LMO2: variants seen among roughly 807,000 people sequenced by gnomAD.
The protein encoded by LMO2 is LIM domain only 2, also known as rhombotin-2.
LMO2 carries 20 observed loss-of-function variants against 23.2 expected under a neutral mutation model. That is an observed-to-expected ratio of 0.86 (90% confidence interval 0.61 to 1.25). The LOEUF (loss-of-function observed/expected upper bound fraction) is 1.25. Among genes scored for constraint, LMO2 ranks in the 50% most tolerant of loss-of-function variants. The pLI is 0.00. For synonymous variants in LMO2, 123 were observed against 130.2 expected (o/e 0.94, Z 0.38); for missense variants, 270 against 315.3 (o/e 0.86, Z 1.09).
intron 1 of LMO2, 35 bp downstream of exon 1, chr11:33,891,760 G>T (rs555660197): frequency 1.3e-5 from 2 of 152,210 alleles, no homozygotes; most frequent in African/African-American, 2.4e-5. Flanking sequence ...CCTTGCAATC[G>T]TCCATTCATC....
chr11:33,878,584 C>A lies in LMO2; in HGVS notation c.-272+3240G>T, dbSNP rs1857191969. Among the ~76,000 whole-genome samples, 3 of 152,320 alleles carry A rather than the reference C, an allele frequency of 2.0e-5. No individual in the cohort carries two copies. In the South Asian group the frequency reaches 6.2e-4, roughly 32 times the overall value. On this transcript the variant is annotated intron_variant, in intron 2 of 5. Coordinates refer to ENST00000257818, the MANE Select transcript of LMO2 (RefSeq NM_005574.4). ...CAGTGCTTGGAACATAGTAGGTGCT[C>A]AGTAAATGGCAATGATTATTGCAGT...
chr11:33,881,346 T>G (rs1488393224), intron 2 of LMO2: 1 of 456,664 alleles, frequency 2.2e-6, no homozygotes, highest in Non-Finnish European at 4.4e-6. Flanking sequence ...GGAAATATCT[T>G]TTATCTGGCA....
intron 2 of LMO2, chr11:33,870,360 C>A: frequency 1.0e-6 from 1 of 985,420 alleles, no homozygotes; most frequent in Non-Finnish European, 1.2e-6. Context: ...TGCAAGTGTT[C>A]CCAGTGGATT....
intron 5 of LMO2, 119 bp from the exon 6 acceptor site, chr11:33,859,694 G>A (rs1856498288): frequency 7.0e-6 from 6 of 861,960 alleles, no homozygotes; most frequent in Non-Finnish European, 1.1e-5. Flanking sequence ...AGCCAGGGAA[G>A]GTCGGCTCCA....
At chr11:33,891,129 C>T (rs2133722700) in intron 1 of LMO2, among the ~76,000 whole-genome samples, 1 of 152,312 alleles carries the variant, frequency 6.6e-6, no homozygotes, top group Admixed American at 6.5e-5. Context: ...TGTTCCCCTT[C>T]ATTGATCCTC....
chr11:33,874,451 C>T (rs993742), intron 2 of LMO2, among the ~76,000 whole-genome samples: 1 of 152,320 alleles, frequency 6.6e-6, no homozygotes, highest in East Asian at 1.9e-4. Flanking sequence ...AGGGCCAGAA[C>T]TAGGATGAGG....
intron 1 of LMO2, among the ~76,000 whole-genome samples, chr11:33,886,743 C>T (rs1275027082): frequency 6.6e-6 from 1 of 152,208 alleles, no homozygotes; most frequent in Non-Finnish European, 1.5e-5. Flanking sequence ...TATTTCAGAA[C>T]ACGAATGTTG....
chr11:33,867,741 G>GT (rs982047335), intron 4 of LMO2, among the ~76,000 whole-genome samples: 22 of 152,326 alleles, frequency 1.4e-4, no homozygotes, highest in African/African-American at 5.3e-4. Context: ...AAGTTAGGAT[G>GT]TTTCAGTTTC....
intron 1 of LMO2, among the ~76,000 whole-genome samples, chr11:33,885,971 G>A (rs1011545208): frequency 2.0e-5 from 3 of 152,100 alleles, no homozygotes; most frequent in African/African-American, 4.8e-5. Flanking sequence ...TGCCTCCCAG[G>A]TTCAAGCAAT....
Position 33,879,047 on chromosome 11 carries a change from T to C in LMO2, c.-272+2777A>G, listed in dbSNP as rs1047760400. 2.6e-5 allele frequency among the ~76,000 whole-genome samples: 4 copies of C among 152,226 alleles called. No homozygotes were observed. The South Asian group carries it at 8.3e-4, about 32-fold the overall frequency. Reference sequence around the variant, plus strand: ...GAGGAAGGCCACTCCAGAATCATTATTGAAGATAGCCCATGCATTGTCACA... The same window carrying C: ...GAGGAAGGCCACTCCAGAATCATTACTGAAGATAGCCCATGCATTGTCACA... On this transcript the variant is annotated intron_variant, in intron 2 of 5. Transcript: ENST00000257818.
intron 5 of LMO2, among the ~76,000 whole-genome samples, chr11:33,863,073 CTA>C: frequency 6.6e-6 from 1 of 152,196 alleles, no homozygotes; most frequent in South Asian, 2.1e-4. Context: ...TGACCTTACT[CTA>C]TCTGCACTTC....
chr11:33,889,266 T>A (rs1308825377), intron 1 of LMO2, among the ~76,000 whole-genome samples: 1 of 152,100 alleles, frequency 6.6e-6, no homozygotes, highest in Admixed American at 6.5e-5. Flanking sequence ...TCCCTACCCT[T>A]GAGGAGCTCA....
At chr11:33,884,135 C>T (rs867160731) in intron 1 of LMO2, among the ~76,000 whole-genome samples, 1 of 152,158 alleles carries the variant, frequency 6.6e-6, no homozygotes, top group Admixed American at 6.5e-5. Flanking sequence ...CAGGCATAGG[C>T]AGCGAGGGAA....
intron 2 of LMO2, chr11:33,881,353 G>A (rs1452893980): frequency 2.2e-6 from 1 of 456,656 alleles, no homozygotes; most frequent in Non-Finnish European, 4.4e-6. Flanking sequence ...TCTTTTATCT[G>A]GCAACTTTTG....
intron 2 of LMO2, among the ~76,000 whole-genome samples, chr11:33,877,023 G>A (rs1046675159): frequency 3.9e-5 from 6 of 152,336 alleles, no homozygotes; most frequent in Admixed American, 3.3e-4. Context: ...AGTCAACCAG[G>A]GCAGGGCTTT....
chr11:33,863,779 C>T (rs537379942), intron 5 of LMO2, among the ~76,000 whole-genome samples: 1 of 152,198 alleles, frequency 6.6e-6, no homozygotes, highest in African/African-American at 2.4e-5. Flanking sequence ...TTGGTGTTGT[C>T]GAGTTCCTAT....
At chr11:33,881,775 A>G (rs1310730185) in intron 2 of LMO2, 49 bp downstream of exon 2, 8 of 212,288 alleles carry the variant, frequency 3.8e-5, no homozygotes, top group Middle Eastern at 2.0e-3. Context: ...GCATACAATA[A>G]TGGAAGAAAT....
At chr11:33,869,317 GGTGGCA>G (rs1267811937) in intron 4 of LMO2, 23 bp downstream of exon 4, 1 of 1,166,876 alleles carries the variant, frequency 8.6e-7, no homozygotes, top group East Asian at 4.0e-5. Flanking sequence ...GGACACCGGG[GGTGGCA>G]GGGGCAGGGG....
At chr11:33,876,390 G>A (rs189995766) in intron 2 of LMO2, among the ~76,000 whole-genome samples, 4 of 152,274 alleles carry the variant, frequency 2.6e-5, no homozygotes, top group South Asian at 4.1e-4. Flanking sequence ...CGTGCCTAAC[G>A]TGTGGCTGGC....
Sources: allele counts gnomAD v4.1 joint callset (sites outside exome capture counted in the v4.1 genomes callset), GRCh38; gene constraint gnomAD v4.1.1; transcripts MANE v1.5; gene names NCBI Gene and HGNC (gene_info 2026-07-23, HGNC 2026-07-21).